Variants in IAH1 observed in about 807,000 individuals in gnomAD.
IAH1 encodes isoamyl acetate-hydrolyzing esterase 1 homolog.
IAH1 carries 24 observed loss-of-function variants against 26.7 expected under a neutral mutation model. The ratio of observed to expected loss-of-function variants is 0.90; its 90% CI spans 0.65 to 1.26. IAH1 has a LOEUF of 1.26. Among genes scored for constraint, IAH1 ranks in the 50% most tolerant of loss-of-function variants. The probability of loss-of-function intolerance (pLI) is 0.00; values close to 1 mark genes in which losing one functional copy is unlikely to be tolerated. For missense variants in IAH1, 300 were observed against 299.9 expected (o/e 1.00, Z 0.00); for synonymous variants, 140 against 118.5 (o/e 1.18, Z -1.18).
intron 1 of IAH1, 55 bp from the exon 2 acceptor site, chr2:9,475,932 G>A (rs61744021): frequency 0.023 from 34,487 of 1,515,706 alleles, 481 homozygotes; most frequent in Non-Finnish European, 0.028. Flanking sequence ...AACTGCCCTC[G>A]CTGAGATGCC....
At chr2:9,491,870 C>T (rs1662178232), downstream of IAH1, among the ~76,000 whole-genome samples, 1 of 152,248 alleles carries the variant, frequency 6.6e-6, no homozygotes, top group Non-Finnish European at 1.5e-5. Flanking sequence ...CGTGCCTTGT[C>T]CACATGTGCA....
At position 9,484,510 on chromosome 2, in the gene IAH1, C is replaced by G. The variant is rs1422700010; in HGVS notation, c.524C>G (p.Thr175Ser). The change falls in exon 5 of 6, where the codon ACT becomes AGT. Residue 175 changes from threonine (T) to serine (S), a missense_variant. Physicochemically the swap from Thr to Ser is moderately conservative, Grantham distance 58. Coordinates refer to ENST00000497473, the MANE Select transcript of IAH1 (RefSeq NM_001039613.3). ...TTACAAGTGGCCCAAGACTGTGGGA[C>G]TGACGTACTTGACCTGTGGACCCTG... ...ACLQVAQDCG[T>S]DVLDLWTLMQ... 1.2e-6 allele frequency: 2 copies of G among 1,614,114 alleles called. No individual in the cohort carries two copies. The highest frequency in any genetic ancestry group is 1.7e-6 in the Non-Finnish European group (2 of 1,179,988).
chr2:9,488,396 C>G lies in IAH1; in HGVS notation c.*67C>G. ...TCAAAGTTGTCAATACGTAGAGGTA[C>G]GCTTTTTTCCTCAGGCTTAAACCTT... On this transcript the variant is annotated 3_prime_UTR_variant, in exon 6 of 6. Coordinates refer to ENST00000497473, the MANE Select transcript of IAH1 (RefSeq NM_001039613.3). The G allele has an allele frequency of 8.0e-7, 1 of 1,252,722 alleles. No homozygotes were observed. The highest frequency in any genetic ancestry group is 1.1e-6 in the Non-Finnish European group (1 of 908,506). 77.6% of individuals were successfully genotyped at this position (1,252,722 alleles called of 1,614,324 possible). A position where few individuals can be genotyped will look rare whatever the true frequency, so the allele number is the denominator to read the frequency against.
Position 9,476,043 on chromosome 2 carries a change from A to AGAAT in IAH1, c.134+6_134+9dup, listed in dbSNP as rs753489937. 1.9e-6 allele frequency: 3 copies of AGAAT among 1,612,622 alleles called. No homozygotes were observed. ...CGCTGGCTGACAGGCTGGTCAGGTG[A>AGAAT]GAATGGTTTCCGATACTTGAGTTCT... On this transcript the variant is annotated splice_donor_region_variant and intron_variant, in intron 2 of 5. Coordinates refer to ENST00000497473, the MANE Select transcript of IAH1 (RefSeq NM_001039613.3).
chr2:9,503,930 A>C, the IAH1 span, among the ~76,000 whole-genome samples: 1 of 152,002 alleles, frequency 6.6e-6, no homozygotes, highest in Non-Finnish European at 1.5e-5. Context: ...AGAAGGGTGG[A>C]TCACTTGAGC....
At chr2:9,479,776 C>G (rs985901397) in intron 3 of IAH1, among the ~76,000 whole-genome samples, 2 of 129,034 alleles carry the variant, frequency 1.5e-5, no homozygotes, top group Admixed American at 1.8e-4. Context: ...GATGTGTGTG[C>G]GGAGATTTCT....
At chr2:9,490,021 CCA>C, downstream of IAH1, 1 of 675,544 alleles carries the variant, frequency 1.5e-6, no homozygotes, top group South Asian at 2.5e-5. Context: ...AAGGGCCAAA[CCA>C]CACAAGAACT....
the IAH1 span, among the ~76,000 whole-genome samples, chr2:9,507,446 G>T: frequency 6.6e-6 from 1 of 152,126 alleles, no homozygotes; most frequent in Non-Finnish European, 1.5e-5. Context: ...AGGTTGCAGT[G>T]AGCAGAGATC....
Position 9,474,915 on chromosome 2 carries a change from G to C in IAH1, c.81+268G>C, listed in dbSNP as rs966407629. 4.2e-6 allele frequency: 3 copies of C among 721,604 alleles called. No individual in the cohort carries two copies. Among genetic ancestry groups the C allele is most frequent in the Non-Finnish European group, 5.4e-6 (3 of 551,822 alleles). The allele number at this position is 721,604 out of a possible 1,614,324, so 44.7% of individuals were successfully genotyped here. On this transcript the variant is annotated intron_variant, in intron 1 of 5. Transcript: ENST00000497473. This position sits in a 1 kb window ranked among gnomAD's most constrained non-coding sequence, Gnocchi z 4.3. Reference sequence around the variant, plus strand: ...GACCCGGCCGCGCTGCCCGCCCCGCGCCGCCTCCCACCCGGGTCGAGATGC... The same window carrying C: ...GACCCGGCCGCGCTGCCCGCCCCGCCCCGCCTCCCACCCGGGTCGAGATGC...
intron 2 of IAH1, among the ~76,000 whole-genome samples, chr2:9,476,314 A>G (rs1173843832): frequency 6.6e-6 from 1 of 152,244 alleles, no homozygotes; most frequent in Non-Finnish European, 1.5e-5. Context: ...AGACAGATCC[A>G]AGTCCAGCTG....
At chr2:9,489,771 A>G (rs2124945262), downstream of IAH1, 2 of 153,160 alleles carry the variant, frequency 1.3e-5, no homozygotes, top group South Asian at 4.2e-4. Flanking sequence ...GTCATCACAA[A>G]TAAATGCCAA....
Position 9,474,745 on chromosome 2 carries a change from A to G in IAH1, c.81+98A>G, listed in dbSNP as rs1682375929. ...CTCGCCGTCCTCTTCGGCGCCCGAGACGGCTGGGCCGGAGGCCTGGCCACG... is the reference window on the plus strand; with the variant it reads ...CTCGCCGTCCTCTTCGGCGCCCGAGGCGGCTGGGCCGGAGGCCTGGCCACG... On this transcript the variant is annotated intron_variant, in intron 1 of 5. Transcript: ENST00000497473. This position sits in a 1 kb window ranked among gnomAD's most constrained non-coding sequence, Gnocchi z 4.3. 1 of 949,140 alleles carries G rather than the reference A, an allele frequency of 1.1e-6. No homozygotes were observed. The highest frequency in any genetic ancestry group is 1.8e-5 in the African/African-American group (1 of 57,054). 58.8% of individuals were successfully genotyped at this position (949,140 alleles called of 1,614,324 possible). A position where few individuals can be genotyped will look rare whatever the true frequency, so the allele number is the denominator to read the frequency against.
Position 9,489,687 on chromosome 2 carries a change from T to C in IAH1, c.*1358T>C, listed in dbSNP as rs958287131. The C allele has an allele frequency of 7.1e-6, 1 of 140,186 alleles. No homozygotes were observed. The highest frequency in any genetic ancestry group is 1.5e-5 in the Non-Finnish European group (1 of 66,198). The allele number at this position is 140,186 out of a possible 1,614,324, so 8.7% of individuals were successfully genotyped here. Reference sequence around the variant, plus strand: ...AAATAGACCCACAATTTAGAGACAATGTATACTAGATTTATCTCCTTTGTT... The same window carrying C: ...AAATAGACCCACAATTTAGAGACAACGTATACTAGATTTATCTCCTTTGTT... On this transcript the variant is annotated 3_prime_UTR_variant, in exon 6 of 6. Coordinates refer to ENST00000497473, the MANE Select transcript of IAH1 (RefSeq NM_001039613.3).
At chr2:9,482,572 C>G (rs1661250137) in intron 4 of IAH1, among the ~76,000 whole-genome samples, 1 of 152,154 alleles carries the variant, frequency 6.6e-6, no homozygotes, top group African/African-American at 2.4e-5. Context: ...CTTAGAGAGG[C>G]TAAGTAACCG....
chr2:9,477,160 C>A (rs964445000), intron 2 of IAH1, among the ~76,000 whole-genome samples: 1 of 152,170 alleles, frequency 6.6e-6, no homozygotes, highest in Non-Finnish European at 1.5e-5. Context: ...GGTGGTGGTT[C>A]TGCAGTTTAT....
intron 3 of IAH1, 44 bp downstream of exon 3, chr2:9,478,414 T>G: frequency 6.6e-7 from 1 of 1,516,324 alleles, no homozygotes; most frequent in Non-Finnish European, 8.9e-7. Flanking sequence ...TTTAATCATT[T>G]TTATGTTACA....
At chr2:9,499,164 A>G (rs906576560), downstream of IAH1, among the ~76,000 whole-genome samples, 5 of 149,642 alleles carry the variant, frequency 3.3e-5, no homozygotes, top group African/African-American at 1.3e-4. Context: ...TCCTGCTAGA[A>G]AATACTGATT....
downstream of IAH1, chr2:9,497,100 A>G (rs1390548637): frequency 1.2e-6 from 2 of 1,612,562 alleles, no homozygotes; most frequent in East Asian, 2.2e-5. Context: ...TGGACTGGGA[A>G]TAAAACTGCT....
At chr2:9,511,831 C>T in the IAH1 span, among the ~76,000 whole-genome samples, 1 of 151,626 alleles carries the variant, frequency 6.6e-6, no homozygotes, top group South Asian at 2.1e-4. Flanking sequence ...CCTAGCCAGG[C>T]ATTGTGGTGG....
Sources: allele counts gnomAD v4.1 joint callset (sites outside exome capture counted in the v4.1 genomes callset), GRCh38; gene constraint gnomAD v4.1.1; non-coding constraint Gnocchi (gnomAD v3.1); transcripts MANE v1.5; gene names NCBI Gene and HGNC (gene_info 2026-07-23, HGNC 2026-07-21).